WDFY3: variants seen among roughly 807,000 people sequenced by gnomAD.
WDFY3 encodes WD repeat and FYVE domain-containing protein 3.
A neutral mutation model predicts 409.6 loss-of-function variants in WDFY3; 66 were observed. The ratio of observed to expected loss-of-function variants is 0.16; its 90% CI spans 0.13 to 0.20. The LOEUF (loss-of-function observed/expected upper bound fraction) is 0.20. Ranked by LOEUF, WDFY3 falls within the 10% of genes least tolerant of loss-of-function variation. WDFY3 has a pLI of 1.00. For missense variants in WDFY3, 3,031 were observed against 4,298.1 expected (o/e 0.71, Z 8.24); for synonymous variants, 1,521 against 1,537.1 (o/e 0.99, Z 0.25).
At position 84,803,155 on chromosome 4, in the gene WDFY3, C is replaced by T. The variant is rs1162788175; in HGVS notation, c.2607+135G>A. On this transcript the variant is annotated intron_variant, in intron 16 of 67. Transcript: ENST00000295888. ...AAAGGTAACACTCAAATAAAAAAAT[C>T]CTTTTTTTTCCCCTTCAGCTACTTT... The T allele has an allele frequency of 5.3e-6, 5 of 936,856 alleles. No individual in the cohort carries two copies. The Admixed American group carries it at 1.5e-4, about 28-fold the overall frequency. 58.0% of individuals were successfully genotyped at this position (936,856 alleles called of 1,614,324 possible).
At chr4:84,689,255 A>G (rs1253464112) in intron 61 of WDFY3, among the ~76,000 whole-genome samples, 1 of 152,202 alleles carries the variant, frequency 6.6e-6, no homozygotes, top group East Asian at 1.9e-4. Flanking sequence ...ATACACATGA[A>G]GTATATATAT....
intron 58 of WDFY3, among the ~76,000 whole-genome samples, chr4:84,694,938 A>C (rs1477208476): frequency 6.6e-6 from 1 of 152,068 alleles, no homozygotes; most frequent in African/African-American, 2.4e-5. Context: ...GTGTGTTCTC[A>C]AGTGTCAACC....
At chr4:84,917,264 GC>G (rs1768628595) in intron 2 of WDFY3, among the ~76,000 whole-genome samples, 1 of 152,146 alleles carries the variant, frequency 6.6e-6, no homozygotes, top group African/African-American at 2.4e-5. Flanking sequence ...CAGGTCTGGT[GC>G]CAAGACCATT....
intron 38 of WDFY3, 46 bp downstream of exon 38, chr4:84,741,715 A>G: frequency 6.6e-7 from 1 of 1,510,188 alleles, no homozygotes; most frequent in Non-Finnish European, 8.9e-7. Context: ...ACCATAGGCA[A>G]AACAGGAAAA....
intron 44 of WDFY3, among the ~76,000 whole-genome samples, chr4:84,731,978 G>C (rs1232429642): frequency 2.0e-5 from 3 of 152,140 alleles, no homozygotes; most frequent in Non-Finnish European, 4.4e-5. Context: ...ATTCTTAATA[G>C]ATTGTTAGGG....
At chr4:84,939,960 T>G in intron 1 of WDFY3, among the ~76,000 whole-genome samples, 1 of 152,180 alleles carries the variant, frequency 6.6e-6, no homozygotes, top group East Asian at 1.9e-4. Flanking sequence ...TACAAATTTA[T>G]GTACATATGT....
intron 32 of WDFY3, among the ~76,000 whole-genome samples, chr4:84,762,186 C>G (rs558608622): frequency 6.6e-6 from 1 of 151,596 alleles, no homozygotes; most frequent in South Asian, 2.1e-4. Context: ...CGGCACTATT[C>G]ACAATAGCAA....
chr4:84,759,249 C>A (rs1230209399), intron 32 of WDFY3, among the ~76,000 whole-genome samples: 1 of 152,138 alleles, frequency 6.6e-6, no homozygotes, highest in Non-Finnish European at 1.5e-5. Context: ...ATGCCTCCAG[C>A]TTTGTTCTTT....
chr4:84,678,846 C>A, intron 65 of WDFY3, 73 bp downstream of exon 65: 1 of 1,505,888 alleles, frequency 6.6e-7, no homozygotes, highest in African/African-American at 1.4e-5. Context: ...GAGAGCTAGA[C>A]CCCACTGCCT....
intron 13 of WDFY3, among the ~76,000 whole-genome samples, chr4:84,812,295 A>T (rs1222655375): frequency 6.6e-6 from 1 of 152,178 alleles, no homozygotes; most frequent in East Asian, 1.9e-4. Context: ...AACTATATGA[A>T]TACTTAAAAT....
At chr4:84,799,215 G>A (rs928926836) in intron 17 of WDFY3, among the ~76,000 whole-genome samples, 10 of 151,904 alleles carry the variant, frequency 6.6e-5, no homozygotes, top group African/African-American at 2.4e-4. Context: ...GGAGTGCAGT[G>A]GTGTGATCAT....
At chr4:84,872,193 G>A (rs142012400) in intron 3 of WDFY3, among the ~76,000 whole-genome samples, 2,755 of 152,104 alleles carry the variant, frequency 0.018, 40 homozygotes, top group Non-Finnish European at 0.028. Flanking sequence ...GCTGCCAGGC[G>A]CGGTGGCTCA....
chr4:84,894,231 A>G (rs1213587789), intron 3 of WDFY3, among the ~76,000 whole-genome samples: 1 of 152,238 alleles, frequency 6.6e-6, no homozygotes, highest in Non-Finnish European at 1.5e-5. Flanking sequence ...ATTACTTTTG[A>G]GAACATAAAC....
At chr4:84,718,803 C>T (rs893571438) in intron 47 of WDFY3, among the ~76,000 whole-genome samples, 1 of 152,142 alleles carries the variant, frequency 6.6e-6, no homozygotes, top group African/African-American at 2.4e-5. Context: ...TCCGGGTGTA[C>T]TTTATGTAGG....
chr4:84,844,578 G>T, intron 5 of WDFY3: 1 of 1,225,246 alleles, frequency 8.2e-7, no homozygotes, highest in Non-Finnish European at 1.1e-6. Context: ...CACCACAAGA[G>T]TACTGGGGTC....
chr4:84,809,758 C>T, intron 14 of WDFY3, 129 bp downstream of exon 14: 1 of 793,608 alleles, frequency 1.3e-6, no homozygotes, highest in Non-Finnish European at 1.9e-6. Context: ...TAAAGTGATA[C>T]ACTTCAAACA....
chr4:84,942,860 G>A (rs2151045980), intron 1 of WDFY3, among the ~76,000 whole-genome samples: 1 of 152,098 alleles, frequency 6.6e-6, no homozygotes, highest in East Asian at 1.9e-4. Flanking sequence ...ACCAGTCTGT[G>A]GCTAACCTTT....
intron 49 of WDFY3, 126 bp downstream of exon 49, chr4:84,716,770 G>C: frequency 1.3e-6 from 1 of 794,950 alleles, no homozygotes; most frequent in Non-Finnish European, 1.6e-6. Flanking sequence ...CTGCACTCCA[G>C]CCTGGGCGAC....
chr4:84,819,937 C>G, intron 12 of WDFY3, 148 bp downstream of exon 12: 1 of 612,800 alleles, frequency 1.6e-6, no homozygotes, highest in Non-Finnish European at 2.7e-6. Flanking sequence ...GTCAAAAGCA[C>G]TGCATTTTTA....
Sources: allele counts gnomAD v4.1 joint callset (sites outside exome capture counted in the v4.1 genomes callset), GRCh38; gene constraint gnomAD v4.1.1; transcripts MANE v1.5; gene names NCBI Gene and HGNC (gene_info 2026-07-23, HGNC 2026-07-21).